The following EXOC4 variants were observed in gnomAD, a reference collection of about 807,000 sequenced individuals.
EXOC4 encodes the protein SEC8-like 1.
A neutral mutation model predicts 107.2 loss-of-function variants in EXOC4; 71 were observed. The observed-to-expected ratio is 0.66, with a 90% CI of 0.55 to 0.81. The LOEUF is 0.81. EXOC4 is among the 30% of genes least tolerant of loss of function. The pLI is 0.00. For missense variants in EXOC4, 1,108 were observed against 1,189.6 expected, an observed-to-expected ratio of 0.93 and a Z score of 1.01; for synonymous variants, 456 against 441.2, an observed-to-expected ratio of 1.03 and a Z score of -0.42.
intron 10 of EXOC4, among the ~76,000 whole-genome samples, chr7:133,650,937 G>GTTTTTTTTTTTTTTTTTTTTTTTTT (rs200499348): frequency 2.3e-5 from 2 of 88,694 alleles, no homozygotes; most frequent in East Asian, 2.7e-4. Flanking sequence ...AGATTGGTCA[G>GTTTTTTTTTTTTTTTTTTTTTTTTT]TTTTTTTTTT....
chr7:133,677,635 T>C (rs1277346617), intron 10 of EXOC4, among the ~76,000 whole-genome samples: 1 of 152,198 alleles, frequency 6.6e-6, no homozygotes, highest in African/African-American at 2.4e-5. Flanking sequence ...AAATATTTCT[T>C]AAATGTTGGC....
intron 14 of EXOC4, among the ~76,000 whole-genome samples, chr7:133,990,441 A>G (rs1369693820): frequency 6.6e-6 from 1 of 152,058 alleles, no homozygotes; most frequent in Non-Finnish European, 1.5e-5. Context: ...CTCGAATGAC[A>G]GGATTTTATT....
At chr7:133,940,025 G>A (rs1206602556) in intron 14 of EXOC4, among the ~76,000 whole-genome samples, 1 of 152,178 alleles carries the variant, frequency 6.6e-6, no homozygotes, top group East Asian at 1.9e-4. Flanking sequence ...CAAATGCAGA[G>A]CTGCTTAGGT....
intron 10 of EXOC4, among the ~76,000 whole-genome samples, chr7:133,747,130 T>C (rs954930232): frequency 2.0e-5 from 3 of 152,162 alleles, no homozygotes; most frequent in Non-Finnish European, 4.4e-5. Context: ...AGTGACGTAA[T>C]TAGATGTGCA....
At chr7:133,987,044 T>G (rs556251321) in intron 14 of EXOC4, among the ~76,000 whole-genome samples, 63 of 152,262 alleles carry the variant, frequency 4.1e-4, no homozygotes, top group African/African-American at 1.5e-3. Context: ...AAGTATTTAG[T>G]TTTGTCCAGG....
At position 133,861,000 on chromosome 7, in the gene EXOC4, C is replaced by T. The variant is rs78221727; in HGVS notation, c.1735-34599C>T. 1.4e-3 allele frequency among the ~76,000 whole-genome samples: 216 copies of T among 152,272 alleles called. 3 individuals are homozygous for T. Among genetic ancestry groups the T allele is most frequent in the Middle Eastern group, 0.01 (3 of 292 alleles). On this transcript the variant is annotated intron_variant, in intron 11 of 17. Coordinates refer to ENST00000253861, the MANE Select transcript of EXOC4 (RefSeq NM_021807.4). ...TTCACTTTTCTTTATTAAGAATGCC[C>T]TTGGACCCATCCAAAGATATCCAAA...
chr7:133,391,356 C>G (rs562244687), intron 7 of EXOC4, among the ~76,000 whole-genome samples: 1 of 152,154 alleles, frequency 6.6e-6, no homozygotes, highest in Non-Finnish European at 1.5e-5. Context: ...GTGTTAGCAA[C>G]GTGATATGGC....
At chr7:133,259,411 G>A (rs1795091720) in intron 1 of EXOC4, among the ~76,000 whole-genome samples, 1 of 151,828 alleles carries the variant, frequency 6.6e-6, no homozygotes, top group South Asian at 2.1e-4. Context: ...ATTTTTAGTA[G>A]AGACAGGGTT....
intron 14 of EXOC4, among the ~76,000 whole-genome samples, chr7:133,990,542 T>G (rs1212054068): frequency 1.3e-5 from 2 of 152,114 alleles, no homozygotes; most frequent in Non-Finnish European, 2.9e-5. Context: ...CTCCTCCTCC[T>G]GGGTCCCGGT....
rs145760992 is a variant in EXOC4 at position 133,374,105 on chromosome 7, G to A, written c.1008-723G>A. Among the ~76,000 whole-genome samples the A allele has an allele frequency of 2.6e-5, 4 of 152,300 alleles. No homozygotes were observed. The East Asian group carries it at 7.7e-4, about 29-fold the overall frequency. Reference sequence around the variant, plus strand: ...TCTTTGAGCTATCTATTCTAGAGCTGTAGTGAAAGGTAGGTGGCTAAATGT... The same window carrying A: ...TCTTTGAGCTATCTATTCTAGAGCTATAGTGAAAGGTAGGTGGCTAAATGT... On this transcript the variant is annotated intron_variant, in intron 6 of 17. Coordinates refer to ENST00000253861, the MANE Select transcript of EXOC4 (RefSeq NM_021807.4).
At chr7:133,602,409 T>G (rs976366969) in intron 9 of EXOC4, among the ~76,000 whole-genome samples, 1 of 152,192 alleles carries the variant, frequency 6.6e-6, no homozygotes, top group African/African-American at 2.4e-5. Flanking sequence ...TAATGTCTGC[T>G]GAGGGTTGAG....
At chr7:133,467,254 T>G (rs1399061481) in intron 7 of EXOC4, among the ~76,000 whole-genome samples, 1 of 151,542 alleles carries the variant, frequency 6.6e-6, no homozygotes, top group East Asian at 1.9e-4. Context: ...AATGACTGAT[T>G]AAATTTTGTT....
chr7:133,502,537 T>TG (rs1364432144), intron 9 of EXOC4, among the ~76,000 whole-genome samples: 2 of 152,210 alleles, frequency 1.3e-5, no homozygotes, highest in South Asian at 2.1e-4. Flanking sequence ...TTTTTGTGTG[T>TG]GGGGGGAGTC....
intron 9 of EXOC4, among the ~76,000 whole-genome samples, chr7:133,570,922 A>G (rs534086662): frequency 6.6e-6 from 1 of 152,332 alleles, no homozygotes; most frequent in South Asian, 2.1e-4. Flanking sequence ...GTGCTACTTA[A>G]TATTTGAAAA....
At chr7:133,633,869 C>A (rs550960820) in intron 10 of EXOC4, among the ~76,000 whole-genome samples, 1 of 152,046 alleles carries the variant, frequency 6.6e-6, no homozygotes, top group Admixed American at 6.6e-5. Context: ...CTTTCAAGTG[C>A]GTAGGTCCTT....
chr7:133,953,883 CA>C (rs1378962697), intron 14 of EXOC4, among the ~76,000 whole-genome samples: 1 of 152,094 alleles, frequency 6.6e-6, no homozygotes, highest in Admixed American at 6.5e-5. Context: ...CAATCAGAAA[CA>C]TTGCAAGTTT....
At chr7:133,831,105 C>T (rs1797801099) in intron 11 of EXOC4, among the ~76,000 whole-genome samples, 1 of 152,194 alleles carries the variant, frequency 6.6e-6, no homozygotes, top group South Asian at 2.1e-4. Context: ...GCTGGGATTA[C>T]AGGCACCCGC....
chr7:133,802,778 C>T (rs1013886829), intron 10 of EXOC4, among the ~76,000 whole-genome samples: 14 of 104 alleles, frequency 0.13, no homozygotes, highest in Non-Finnish European at 0.14. Flanking sequence ...ACCCGGGAGG[C>T]GGAGAGTTGC....
intron 10 of EXOC4, among the ~76,000 whole-genome samples, chr7:133,678,940 C>T (rs1299727590): frequency 6.6e-6 from 1 of 152,150 alleles, no homozygotes; most frequent in Non-Finnish European, 1.5e-5. Flanking sequence ...GTCTTTATGG[C>T]TCCTCGTCCT....
Sources: allele counts gnomAD v4.1 joint callset (sites outside exome capture counted in the v4.1 genomes callset), GRCh38; gene constraint gnomAD v4.1.1; transcripts MANE v1.5; gene names NCBI Gene and HGNC (gene_info 2026-07-23, HGNC 2026-07-21).